The following EDA variants were observed in gnomAD, a reference collection of about 807,000 sequenced individuals.
EDA encodes ectodysplasin A.
EDA carries 2 observed loss-of-function variants against 23.6 expected under a neutral mutation model. The observed-to-expected ratio is 0.08, with a 90% CI of 0.03 to 0.27. EDA has a LOEUF of 0.27. Ranked by LOEUF, EDA falls within the 10% of genes least tolerant of loss-of-function variation. The probability of loss-of-function intolerance (pLI) is 1.00; values close to 1 mark genes in which losing one functional copy is unlikely to be tolerated. For synonymous variants in EDA, 131 were observed against 132.0 expected, an observed-to-expected ratio of 0.99 and a Z score of 0.05; for missense variants, 229 against 324.2, an observed-to-expected ratio of 0.71 and a Z score of 2.26.
chrX:70,029,411 C>G lies in EDA; in HGVS notation c.707-93C>G, dbSNP rs182401776. On this transcript the variant is annotated intron_variant, in intron 4 of 7. Coordinates refer to ENST00000374552, the MANE Select transcript of EDA (RefSeq NM_001399.5). ...AATAAAGCTCAGACAGGGCTGGCTG[C>G]AGGGAGCATGGCTCACCACCACTAG... is the stretch of plus-strand genomic sequence containing the variant. 1.2e-5 allele frequency: 12 copies of G among 1,031,088 alleles called. No homozygotes were observed. The East Asian group carries it at 2.4e-4, about 21-fold the overall frequency. The allele number at this position is 1,031,088 out of a possible 1,213,427, so 85.0% of individuals were successfully genotyped here.
chrX:69,959,763 G>A (rs1336330956), intron 2 of EDA, among the ~76,000 whole-genome samples: 1 of 98,323 alleles, frequency 1.0e-5, no homozygotes, highest in African/African-American at 3.7e-5. Context: ...GGGAGAGAGA[G>A]TGATGGGGTA....
intron 1 of EDA, among the ~76,000 whole-genome samples, chrX:69,904,075 G>C (rs1406537492): frequency 1.8e-5 from 2 of 110,991 alleles, no homozygotes. Flanking sequence ...GCCTCCAAAA[G>C]TGTGAGATTA....
intron 1 of EDA, among the ~76,000 whole-genome samples, chrX:69,847,417 G>GTA (rs1372582922): frequency 9.0e-6 from 1 of 111,370 alleles, no homozygotes; most frequent in African/African-American, 3.3e-5. Context: ...TCAGGATACA[G>GTA]AGCAGTTCCA....
chrX:69,661,396 G>T (rs919997640), intron 1 of EDA, among the ~76,000 whole-genome samples: 24 of 102,328 alleles, frequency 2.3e-4, no homozygotes, highest in Non-Finnish European at 2.0e-5. Flanking sequence ...ATTGCTTTTG[G>T]TGTTTTAGAC....
intron 2 of EDA, among the ~76,000 whole-genome samples, chrX:70,010,922 G>A (rs1023533303): frequency 7.2e-5 from 8 of 111,640 alleles, no homozygotes; most frequent in African/African-American, 9.8e-5. Context: ...TATCTCTACC[G>A]GGTCCCTCCC....
At chrX:69,729,579 C>A (rs1312090534) in intron 1 of EDA, among the ~76,000 whole-genome samples, 2 of 111,842 alleles carry the variant, frequency 1.8e-5, no homozygotes, top group African/African-American at 6.5e-5. Context: ...ATTCTAATTA[C>A]ACAGGATCCA....
intron 1 of EDA, among the ~76,000 whole-genome samples, chrX:69,681,978 C>A (rs7066939): frequency 9.5e-6 from 1 of 105,652 alleles, no homozygotes; most frequent in South Asian, 4.3e-4. Context: ...CTTTGATGAT[C>A]GTGATGTACA....
At chrX:69,732,878 T>G (rs1430752283) in intron 1 of EDA, among the ~76,000 whole-genome samples, 1 of 112,290 alleles carries the variant, frequency 8.9e-6, no homozygotes, top group East Asian at 2.8e-4. Context: ...TCATGTGTCT[T>G]TTGGCTGCAT....
intron 1 of EDA, among the ~76,000 whole-genome samples, chrX:69,717,265 T>G (rs1248506596): frequency 9.0e-6 from 1 of 111,345 alleles, no homozygotes; most frequent in Non-Finnish European, 1.9e-5. Flanking sequence ...TATTGAGAGT[T>G]TTTAACATGA....
intron 1 of EDA, among the ~76,000 whole-genome samples, chrX:69,631,752 C>A (rs902879234): frequency 9.1e-6 from 1 of 109,425 alleles, no homozygotes; most frequent in African/African-American, 3.3e-5. Flanking sequence ...TCTATTTCAT[C>A]TGAACCACAT....
At chrX:69,870,412 G>A (rs187529344) in intron 1 of EDA, among the ~76,000 whole-genome samples, 27 of 110,996 alleles carry the variant, frequency 2.4e-4, no homozygotes, top group Middle Eastern at 4.6e-3. Context: ...GGGGCCCGCC[G>A]GGAGTTTAGT....
At chrX:69,750,754 C>G (rs1356342606) in intron 1 of EDA, among the ~76,000 whole-genome samples, 2 of 111,780 alleles carry the variant, frequency 1.8e-5, no homozygotes, top group Non-Finnish European at 3.8e-5. Context: ...GATTTTGACT[C>G]GCATTTCTCT....
At chrX:69,934,867 G>A (rs2018649486) in intron 1 of EDA, among the ~76,000 whole-genome samples, 1 of 110,805 alleles carries the variant, frequency 9.0e-6, no homozygotes, top group African/African-American at 3.3e-5. Flanking sequence ...TAGTCACCTT[G>A]TTATGCTATC....
chrX:70,035,720 G>C lies in EDA; in HGVS notation c.*111G>C. 1.0e-6 allele frequency: 1 copy of C among 955,531 alleles called. No homozygotes were observed. The highest frequency in any genetic ancestry group is 1.5e-6 in the Non-Finnish European group (1 of 682,882). 78.7% of individuals were successfully genotyped at this position (955,531 alleles called of 1,213,427 possible). A position where few individuals can be genotyped will look rare whatever the true frequency, so the allele number is the denominator to read the frequency against. The stretch of plus-strand genomic sequence containing the variant: ...GAGGTGTATTGGTGTTGCAGCCGCA[G>C]AGAAATGCCCCAGTGTTATTTATTC... On this transcript the variant is annotated 3_prime_UTR_variant, in exon 8 of 8. Coordinates refer to ENST00000374552, the MANE Select transcript of EDA (RefSeq NM_001399.5).
intron 1 of EDA, among the ~76,000 whole-genome samples, chrX:69,772,047 A>C (rs2014654617): frequency 9.0e-6 from 1 of 111,723 alleles, no homozygotes; most frequent in Non-Finnish European, 1.9e-5. Flanking sequence ...TTACCTCTCG[A>C]GCTCAAGCGA....
intron 1 of EDA, among the ~76,000 whole-genome samples, chrX:69,876,374 G>T (rs1296092753): frequency 9.4e-6 from 1 of 105,867 alleles, no homozygotes; most frequent in East Asian, 2.9e-4. Context: ...CACCATTGAA[G>T]AATTTAATAA....
At chrX:69,910,355 G>GAA (rs2018241656) in intron 1 of EDA, among the ~76,000 whole-genome samples, 4 of 27,714 alleles carry the variant, frequency 1.4e-4, no homozygotes, top group African/African-American at 4.2e-4. Context: ...GTAAAGGAGA[G>GAA]AGAGAGAGAG....
chrX:69,875,361 A>G lies in EDA; in HGVS notation c.397-81666A>G, dbSNP rs1019626998. On this transcript the variant is annotated intron_variant, in intron 1 of 7. Coordinates refer to ENST00000374552, the MANE Select transcript of EDA (RefSeq NM_001399.5). The stretch of plus-strand genomic sequence containing the variant: ...AGCCAACTGATCTTCAACAAAGCAA[A>G]CAAAAACATAAAGTGGGGAAAGAAC... Among the ~76,000 whole-genome samples the G allele has an allele frequency of 4.5e-5, 5 of 111,995 alleles. No homozygotes were observed. The Admixed American group carries it at 4.7e-4, about 11-fold the overall frequency.
chrX:69,791,030 G>A (rs1384760928), intron 1 of EDA, among the ~76,000 whole-genome samples: 1 of 111,540 alleles, frequency 9.0e-6, no homozygotes, highest in African/African-American at 3.3e-5. Context: ...GGGAAGATAT[G>A]CCTCCTTTAA....
Sources: allele counts gnomAD v4.1 joint callset (sites outside exome capture counted in the v4.1 genomes callset), GRCh38; gene constraint gnomAD v4.1.1; transcripts MANE v1.5; gene names NCBI Gene and HGNC (gene_info 2026-07-23, HGNC 2026-07-21).